The following CCDC30 variants were observed in gnomAD, a reference collection of about 807,000 sequenced individuals.
CCDC30 encodes the protein coiled-coil domain containing 30.
CCDC30 carries 70 observed loss-of-function variants against 100.2 expected under a neutral mutation model. The ratio of observed to expected loss-of-function variants is 0.70; its 90% CI spans 0.58 to 0.85. The LOEUF (loss-of-function observed/expected upper bound fraction) is 0.85. CCDC30 is among the 40% of genes least tolerant of loss of function. CCDC30 has a pLI of 0.00. For synonymous variants in CCDC30, 233 were observed against 269.5 expected (o/e 0.86, Z 1.33); for missense variants, 652 against 771.2 (o/e 0.85, Z 1.83).
intron 15 of CCDC30, among the ~76,000 whole-genome samples, chr1:42,650,497 A>ATATATGTGTGTGTGTGTGTG (rs1181889086): frequency 7.3e-5 from 10 of 136,194 alleles, no homozygotes; most frequent in African/African-American, 2.8e-4. Flanking sequence ...AAAAATATAT[A>ATATATGTGTGTGTGTGTGTG]TGTGTGTGTG....
intron 6 of CCDC30, among the ~76,000 whole-genome samples, chr1:42,549,160 C>T (rs1276650987): frequency 6.6e-6 from 1 of 152,124 alleles, no homozygotes; most frequent in Non-Finnish European, 1.5e-5. Context: ...ATGAGCGGGA[C>T]CATTGAGCCC....
intron 2 of CCDC30, 136 bp downstream of exon 2, chr1:42,480,702 C>A: frequency 2.5e-6 from 2 of 801,052 alleles, no homozygotes; most frequent in Non-Finnish European, 3.0e-6. Context: ...ACATCAAGAA[C>A]CTGTGTAACA....
Position 42,518,688 on chromosome 1 carries a change from C to T in CCDC30, c.456+19772C>T, listed in dbSNP as rs548731436. On this transcript the variant is annotated intron_variant, in intron 6 of 16. Transcript: ENST00000668663. ...TTTGCACACTGACAAAATCACCTACCGACACATTTCTTAGGATGTATTCCT... is the reference window on the plus strand; with the variant it reads ...TTTGCACACTGACAAAATCACCTACTGACACATTTCTTAGGATGTATTCCT... Among the ~76,000 whole-genome samples, 17 of 152,234 alleles carry T rather than the reference C, an allele frequency of 1.1e-4. No homozygotes were observed. In the East Asian group the frequency reaches 2.5e-3, roughly 22 times the overall value.
At chr1:42,608,696 G>A (rs1276411562) in intron 10 of CCDC30, among the ~76,000 whole-genome samples, 3 of 136,334 alleles carry the variant, frequency 2.2e-5, no homozygotes, top group South Asian at 2.4e-4. Context: ...CAGACAGAGC[G>A]CGACTCCGTC....
chr1:42,602,057 G>C (rs1449385578), intron 10 of CCDC30, among the ~76,000 whole-genome samples: 1 of 152,094 alleles, frequency 6.6e-6, no homozygotes, highest in East Asian at 1.9e-4. Context: ...TGGACTAAAG[G>C]CTCTTGACAG....
At chr1:42,625,560 T>C (rs973115395) in intron 11 of CCDC30, among the ~76,000 whole-genome samples, 1 of 152,112 alleles carries the variant, frequency 6.6e-6, no homozygotes, top group African/African-American at 2.4e-5. Context: ...TGTGTTTCCA[T>C]TATCATTCGT....
chr1:42,592,198 G>A (rs1373058231), intron 10 of CCDC30: 1 of 152,160 alleles, frequency 6.6e-6, no homozygotes, highest in African/African-American at 2.4e-5. Context: ...ATTGTATCTT[G>A]TAGTGTGAGA....
At chr1:42,525,562 T>G (rs1490884588) in intron 6 of CCDC30, among the ~76,000 whole-genome samples, 1 of 152,214 alleles carries the variant, frequency 6.6e-6, no homozygotes, top group Admixed American at 6.5e-5. Flanking sequence ...TATTCACTGA[T>G]TTTTTTCCTA....
chr1:42,534,839 T>A (rs1460724767), intron 6 of CCDC30: 1 of 152,166 alleles, frequency 6.6e-6, no homozygotes, highest in Non-Finnish European at 1.5e-5. Context: ...AAATGTCGCT[T>A]TTTTTCAGTA....
At chr1:42,534,844 T>TC (rs1415654639) in intron 6 of CCDC30, 2 of 152,176 alleles carry the variant, frequency 1.3e-5, no homozygotes, top group African/African-American at 4.8e-5. Flanking sequence ...TCGCTTTTTT[T>TC]CAGTATTTTT....
At chr1:42,643,938 G>T (rs1570341552) in intron 13 of CCDC30, among the ~76,000 whole-genome samples, 1 of 152,138 alleles carries the variant, frequency 6.6e-6, no homozygotes, top group East Asian at 1.9e-4. Flanking sequence ...GGGATACAGA[G>T]TCTCTCTTGT....
chr1:42,509,134 T>A (rs1171134411), intron 6 of CCDC30, among the ~76,000 whole-genome samples: 1 of 152,218 alleles, frequency 6.6e-6, no homozygotes, highest in Non-Finnish European at 1.5e-5. Context: ...AAACTGTGAC[T>A]GAGACAGTGA....
intron 1 of CCDC30, among the ~76,000 whole-genome samples, chr1:42,470,932 A>T (rs1643750367): frequency 6.6e-6 from 1 of 152,232 alleles, no homozygotes; most frequent in Admixed American, 6.5e-5. Flanking sequence ...AATTTTATTA[A>T]AAATGGTTAA....
intron 10 of CCDC30, among the ~76,000 whole-genome samples, chr1:42,605,186 G>A (rs1646478762): frequency 6.6e-6 from 1 of 152,066 alleles, no homozygotes; most frequent in Non-Finnish European, 1.5e-5. Flanking sequence ...TTAAAATCAG[G>A]GAGCCATTTC....
intron 12 of CCDC30, among the ~76,000 whole-genome samples, chr1:42,641,267 G>A (rs545318419): frequency 3.6e-4 from 53 of 147,010 alleles, no homozygotes; most frequent in African/African-American, 1.3e-3. Flanking sequence ...GTGTGGAGAC[G>A]GGGTCTCACC....
At chr1:42,542,533 A>ATTTTTTTT (rs749030366) in intron 6 of CCDC30, among the ~76,000 whole-genome samples, 4 of 100,814 alleles carry the variant, frequency 4.0e-5, no homozygotes, top group African/African-American at 1.2e-4. Flanking sequence ...CTAATTTTAA[A>ATTTTTTTT]TTTTTCTTTT....
chr1:42,528,806 T>C (rs1165883656), intron 6 of CCDC30, among the ~76,000 whole-genome samples: 1 of 152,206 alleles, frequency 6.6e-6, no homozygotes, highest in Non-Finnish European at 1.5e-5. Context: ...GAGAAGATCA[T>C]TGGAGAATAC....
At chr1:42,653,750 C>T (rs2148702745) in intron 16 of CCDC30, 68 bp from the exon 21 acceptor site, 2 of 1,143,316 alleles carry the variant, frequency 1.7e-6, no homozygotes, top group Middle Eastern at 2.1e-4. Flanking sequence ...ATGCCTGTAT[C>T]CCTGTAACCC....
chr1:42,641,647 A>G (rs1647406880), intron 12 of CCDC30, among the ~76,000 whole-genome samples: 1 of 152,172 alleles, frequency 6.6e-6, no homozygotes, highest in Non-Finnish European at 1.5e-5. Context: ...CGGGCAGATC[A>G]CTTGTGATCA....
Sources: allele counts gnomAD v4.1 joint callset (sites outside exome capture counted in the v4.1 genomes callset), GRCh38; gene constraint gnomAD v4.1.1; transcripts MANE v1.5; gene names NCBI Gene and HGNC (gene_info 2026-07-23, HGNC 2026-07-21).